Variants in PHYHIPL observed in about 807,000 individuals in gnomAD.
PHYHIPL encodes phytanoyl-CoA 2-hydroxylase interacting protein like.
PHYHIPL carries 9 observed loss-of-function variants against 33.4 expected under a neutral mutation model. The ratio of observed to expected loss-of-function variants is 0.27; its 90% CI spans 0.16 to 0.47. PHYHIPL has a LOEUF of 0.47. PHYHIPL is among the 20% of genes least tolerant of loss of function. The pLI is 0.99. For synonymous variants in PHYHIPL, 153 were observed against 154.1 expected, an observed-to-expected ratio of 0.99 and a Z score of 0.05; for missense variants, 365 against 460.7, an observed-to-expected ratio of 0.79 and a Z score of 1.90.
intron 1 of PHYHIPL, among the ~76,000 whole-genome samples, chr10:59,207,829 T>C (rs1839329317): frequency 6.6e-6 from 1 of 151,212 alleles, no homozygotes; most frequent in South Asian, 2.1e-4. Context: ...GAGGCGGAGC[T>C]TGCAGTGAGC....
At chr10:59,240,191 G>C (rs1840349097) in intron 4 of PHYHIPL, among the ~76,000 whole-genome samples, 1 of 151,958 alleles carries the variant, frequency 6.6e-6, no homozygotes, top group Non-Finnish European at 1.5e-5. Context: ...TTTCCTGGTA[G>C]ATACCATTCA....
At chr10:59,190,718 A>G (rs1025712492) in intron 1 of PHYHIPL, among the ~76,000 whole-genome samples, 1 of 151,844 alleles carries the variant, frequency 6.6e-6, no homozygotes, top group Non-Finnish European at 1.5e-5. Context: ...AGTTACTTAT[A>G]TTTGAAAGAT....
At chr10:59,217,456 A>G (rs999021731) in intron 1 of PHYHIPL, among the ~76,000 whole-genome samples, 8 of 152,014 alleles carry the variant, frequency 5.3e-5, no homozygotes, top group Non-Finnish European at 1.0e-4. Context: ...CAGAAAAAAT[A>G]TACCTCTTGC....
At chr10:59,245,007 T>A in intron 4 of PHYHIPL, 50 bp from the exon 5 acceptor site, 3 of 1,530,316 alleles carry the variant, frequency 2.0e-6, no homozygotes, top group Non-Finnish European at 2.6e-6. Flanking sequence ...TATAAATCAG[T>A]GGGTTTACCA....
At chr10:59,219,255 G>GT in intron 1 of PHYHIPL, 1 of 934,586 alleles carries the variant, frequency 1.1e-6, no homozygotes, top group Non-Finnish European at 1.3e-6. Context: ...AAGAAGTAGA[G>GT]TTAGGAATAA....
At chr10:59,173,931 T>TG (rs1564696374), upstream of PHYHIPL, among the ~76,000 whole-genome samples, 57 of 93,846 alleles carry the variant, frequency 6.1e-4, no homozygotes, top group Non-Finnish European at 9.1e-4. Context: ...GTTTTTTTTT[T>TG]TTTTTTTTTT....
At chr10:59,230,209 TTTC>T (rs1166079632) in intron 1 of PHYHIPL, among the ~76,000 whole-genome samples, 25 of 70,742 alleles carry the variant, frequency 3.5e-4, no homozygotes, top group Non-Finnish European at 5.4e-4. Flanking sequence ...TTAAAATTGC[TTTC>T]TTTTTTTTTT....
Position 59,247,011 on chromosome 10 carries a change from G to A in PHYHIPL, c.*1420G>A. On this transcript the variant is annotated 3_prime_UTR_variant, in exon 5 of 5. Transcript: ENST00000373880. Reference sequence around the variant, plus strand: ...CAGAAATGTAAAATTTCAAATAACGGATAAAATAATGTGTTATTTTTATAG... The same window carrying A: ...CAGAAATGTAAAATTTCAAATAACGAATAAAATAATGTGTTATTTTTATAG... The A allele has an allele frequency of 5.8e-6, 1 of 173,102 alleles. No individual in the cohort carries two copies. The highest frequency in any genetic ancestry group is 1.2e-5 in the Non-Finnish European group (1 of 84,354). 10.7% of individuals were successfully genotyped at this position (173,102 alleles called of 1,614,324 possible).
At chr10:59,177,055 G>C (rs1348185149) in intron 1 of PHYHIPL, 96 bp downstream of exon 1, 3 of 1,078,660 alleles carry the variant, frequency 2.8e-6, no homozygotes, top group Middle Eastern at 2.7e-4. Context: ...AGGGCGGCAG[G>C]GTCTTTTGTT....
At chr10:59,214,961 A>T (rs1319139720) in intron 1 of PHYHIPL, among the ~76,000 whole-genome samples, 1 of 152,074 alleles carries the variant, frequency 6.6e-6, no homozygotes, top group Admixed American at 6.6e-5. Flanking sequence ...GACAGTGATG[A>T]TGAATGTTTG....
Position 59,176,911 on chromosome 10 carries a change from G to A in PHYHIPL, c.58G>A (p.Val20Met). The A allele has an allele frequency of 6.2e-7, 1 of 1,613,800 alleles. No homozygotes were observed. The highest frequency in any genetic ancestry group is 8.5e-7 in the Non-Finnish European group (1 of 1,179,850). ...CAGCCCCACCAGCCCCTGTGAGGAGGTGATCAAAAACCTCAGCCTGGAGGC... is the reference window on the plus strand; with the variant it reads ...CAGCCCCACCAGCCCCTGTGAGGAGATGATCAAAAACCTCAGCCTGGAGGC... ...LNSPTSPCEEVIKNLSLEAIQ... is the reference protein window; with the variant it reads ...LNSPTSPCEEMIKNLSLEAIQ... Residue 20 changes from valine to methionine, a missense_variant, in exon 1 of 5, where the codon GTG (valine) becomes ATG (methionine). Coordinates refer to ENST00000373880, the MANE Select transcript of PHYHIPL (RefSeq NM_032439.4).
At chr10:59,211,962 G>T (rs1035943985) in intron 1 of PHYHIPL, among the ~76,000 whole-genome samples, 1 of 152,138 alleles carries the variant, frequency 6.6e-6, no homozygotes, top group African/African-American at 2.4e-5. Context: ...TTGCAGTATT[G>T]AGAGGAGGGA....
rs147280275 is a variant in PHYHIPL, at chr10:59,182,735, G to A, written c.106+5776G>A. 2.9e-4 allele frequency among the ~76,000 whole-genome samples: 44 copies of A among 152,166 alleles called. No individual in the cohort carries two copies. In the East Asian group the frequency reaches 7.9e-3, roughly 27 times the overall value. ...GGACAGTCTGAGCAGAAAAAAATAGGTAGAAAGCTTCAGCATATTCTGTAT... is the reference window on the plus strand; with the variant it reads ...GGACAGTCTGAGCAGAAAAAAATAGATAGAAAGCTTCAGCATATTCTGTAT... On this transcript the variant is annotated intron_variant, in intron 1 of 4. Transcript: ENST00000373880.
chr10:59,178,630 A>G (rs1838319816), intron 1 of PHYHIPL, among the ~76,000 whole-genome samples: 1 of 152,166 alleles, frequency 6.6e-6, no homozygotes, highest in South Asian at 2.1e-4. Flanking sequence ...CAATGGAATT[A>G]GGCATTCATT....
At chr10:59,234,197 A>G in intron 1 of PHYHIPL, 107 bp from the exon 2 acceptor site, 1 of 835,744 alleles carries the variant, frequency 1.2e-6, no homozygotes, top group Non-Finnish European at 1.8e-6. Flanking sequence ...AAAGATGATA[A>G]GGAGTAAGTC....
chr10:59,235,301 T>C lies in PHYHIPL; in HGVS notation c.303+801T>C, dbSNP rs139872630. Among the ~76,000 whole-genome samples, 609 of 152,006 alleles carry C rather than the reference T, an allele frequency of 4.0e-3. 6 individuals carry two copies. Among genetic ancestry groups the C allele is most frequent in the Non-Finnish European group, 6.9e-3 (465 of 67,842 alleles). On this transcript the variant is annotated intron_variant, in intron 2 of 4. Transcript: ENST00000373880. The stretch of plus-strand genomic sequence containing the variant: ...CACTTCTCTGATATTTATTCACATA[T>C]CATATATCTTTTCTGATATATCTCT...
At position 59,245,785 on chromosome 10, in the gene PHYHIPL, C is replaced by T. The variant is rs150759001; in HGVS notation, c.*194C>T. 45 of 562,812 alleles carry T rather than the reference C, an allele frequency of 8.0e-5. No individual in the cohort carries two copies. Among genetic ancestry groups the T allele is most frequent in the African/African-American group, 7.0e-4 (37 of 53,038 alleles). The allele number at this position is 562,812 out of a possible 1,614,324, so 34.9% of individuals were successfully genotyped here. A position where few individuals can be genotyped will look rare whatever the true frequency, so the allele number is the denominator to read the frequency against. On this transcript the variant is annotated 3_prime_UTR_variant, in exon 5 of 5. Coordinates refer to ENST00000373880, the MANE Select transcript of PHYHIPL (RefSeq NM_032439.4). ...TTCCTATTCCCTACCCCTCCCACTA[C>T]TTTCAATGATGAAATACCCTAAGTT...
At chr10:59,244,153 CACAGTGGAGG>C (rs1456302389) in intron 4 of PHYHIPL, among the ~76,000 whole-genome samples, 1 of 152,080 alleles carries the variant, frequency 6.6e-6, no homozygotes, top group Non-Finnish European at 1.5e-5. Flanking sequence ...AGTCCCAGGT[CACAGTGGAGG>C]ACTGTGGTGG....
intron 1 of PHYHIPL, among the ~76,000 whole-genome samples, chr10:59,185,013 C>T (rs1229915064): frequency 5.1e-5 from 6 of 116,920 alleles, no homozygotes; most frequent in Non-Finnish European, 8.2e-5. Flanking sequence ...TTTTTTGAGA[C>T]GGAGTCTCGC....
Sources: allele counts gnomAD v4.1 joint callset (sites outside exome capture counted in the v4.1 genomes callset), GRCh38; gene constraint gnomAD v4.1.1; transcripts MANE v1.5; gene names NCBI Gene and HGNC (gene_info 2026-07-23, HGNC 2026-07-21).